The following PIP5K1C variants were observed in gnomAD, a reference collection of about 807,000 sequenced individuals.
The protein encoded by PIP5K1C is phosphatidylinositol-4-phosphate 5-kinase type 1 gamma, also known as phosphatidylinositol 4-phosphate 5-kinase type-1 gamma.
Under a neutral mutation model 80.1 loss-of-function variants are expected in PIP5K1C, and 45 were observed. The ratio of observed to expected loss-of-function variants is 0.56; its 90% CI spans 0.44 to 0.72. The LOEUF is 0.72. Among genes scored for constraint, PIP5K1C ranks in the 30% least tolerant of loss-of-function variants. The probability of loss-of-function intolerance (pLI) is 0.00; values close to 1 mark genes in which losing one functional copy is unlikely to be tolerated. For missense variants in PIP5K1C, 753 were observed against 954.6 expected (o/e 0.79, Z 2.78); for synonymous variants, 498 against 420.1 (o/e 1.19, Z -2.27).
Position 3,664,883 on chromosome 19 carries a change from C to T in PIP5K1C, c.158G>A (p.Gly53Asp). Reference sequence around the variant, plus strand: ...TCGATGGCCCAACTTCTTCCCATGGCCAGGGCCCGGCTGTGCCGTCATGGA... The same window carrying T: ...TCGATGGCCCAACTTCTTCCCATGGTCAGGGCCCGGCTGTGCCGTCATGGA... ...VLSMTAQPGP[G>D]HGKKLGHRGV... is the part of the protein sequence containing the mutation. The change falls in exon 3 of 18, where the codon GGC (glycine) becomes GAC (aspartate). Residue 53 changes from glycine (G) to aspartate (D), a missense_variant. By Grantham distance (94) the Gly-to-Asp change is moderately conservative. This residue lies in a region of PIP5K1C where 139 missense variants were observed against 289.7 expected (regional missense o/e 0.48). Coordinates refer to ENST00000335312, the MANE Select transcript of PIP5K1C (RefSeq NM_012398.3). 6.2e-7 allele frequency: 1 copy of T among 1,613,236 alleles called. No individual in the cohort carries two copies. Among genetic ancestry groups the T allele is most frequent in the Non-Finnish European group, 8.5e-7 (1 of 1,179,962 alleles).
At chr19:3,666,930 G>A (rs887303851) in intron 2 of PIP5K1C, among the ~76,000 whole-genome samples, 3 of 152,260 alleles carry the variant, frequency 2.0e-5, no homozygotes, top group South Asian at 4.1e-4. Context: ...TCTGGGCAGC[G>A]TCTAACCCTC....
At chr19:3,664,999 G>T in intron 2 of PIP5K1C, 85 bp from the exon 3 acceptor site, 1 of 1,152,114 alleles carries the variant, frequency 8.7e-7, no homozygotes, top group Non-Finnish European at 1.3e-6. Flanking sequence ...GGGAAGAAAG[G>T]TTTAGTCGTT....
intron 1 of PIP5K1C, among the ~76,000 whole-genome samples, chr19:3,697,468 G>A (rs2036160092): frequency 6.6e-6 from 1 of 151,968 alleles, no homozygotes; most frequent in Non-Finnish European, 1.5e-5. Flanking sequence ...GGACCGAGGA[G>A]GACCGAGCTG....
At position 3,648,971 on chromosome 19, in the gene PIP5K1C, G is replaced by A. The variant is rs2034351507; in HGVS notation, c.1128-263C>T. Among the ~76,000 whole-genome samples the A allele has an allele frequency of 6.6e-6, 1 of 152,124 alleles. No homozygotes were observed. The highest frequency in any genetic ancestry group is 2.4e-5 in the African/African-American group (1 of 41,424). On this transcript the variant is annotated intron_variant, in intron 8 of 17. Coordinates refer to ENST00000335312, the MANE Select transcript of PIP5K1C (RefSeq NM_012398.3). This position sits in a 1 kb window ranked among gnomAD's most constrained non-coding sequence, Gnocchi z 4.3. Reference sequence around the variant, plus strand: ...TACCCCCTACACACACGTGTGCCTGGACACACACATGCACACACACGCACA... The same window carrying A: ...TACCCCCTACACACACGTGTGCCTGAACACACACATGCACACACACGCACA...
At chr19:3,662,473 C>T (rs541154425) in intron 3 of PIP5K1C, among the ~76,000 whole-genome samples, 1 of 152,370 alleles carries the variant, frequency 6.6e-6, no homozygotes, top group Non-Finnish European at 1.5e-5. Flanking sequence ...ACCCACATGG[C>T]CGCTATGTGC....
In PIP5K1C at chr19:3,644,122, C is replaced by G; in HGVS notation, c.1475G>C (p.Arg492Pro). ...SEREEAQYDLRGARSYPTLED... is the reference protein window; with the variant it reads ...SEREEAQYDLPGARSYPTLED... Reference sequence around the variant, plus strand: ...CAGCGTGGGGTAGCTGCGGGCCCCCCGCAGGTCGTACTGGGCCTCCTCCCG... The same window carrying G: ...CAGCGTGGGGTAGCTGCGGGCCCCCGGCAGGTCGTACTGGGCCTCCTCCCG... Residue 492 changes from arginine (R) to proline (P), a missense_variant, in exon 12 of 18, where the codon CGG (arginine) becomes CCG (proline). Physicochemically the swap from Arg to Pro is moderately radical, Grantham distance 103. This residue lies in a region of PIP5K1C where 315 missense variants were observed against 294.5 expected (regional missense o/e 1.07). Coordinates refer to ENST00000335312, the MANE Select transcript of PIP5K1C (RefSeq NM_012398.3). 10 of 1,611,694 alleles carry G rather than the reference C, an allele frequency of 6.2e-6. No homozygotes were observed. Among genetic ancestry groups the G allele is most frequent in the Non-Finnish European group, 8.5e-6 (10 of 1,179,826 alleles).
At position 3,683,470 on chromosome 19, in the gene PIP5K1C, C is replaced by T. The variant is rs980050098; in HGVS notation, c.95-16117G>A. ...GGCCAGAGACGAGCTAGCCCACCTT[C>T]GCCGTGTGTGTGGCGGGGCCCGCAC... On this transcript the variant is annotated intron_variant, in intron 1 of 17. Transcript: ENST00000335312. 3.9e-5 allele frequency among the ~76,000 whole-genome samples: 6 copies of T among 152,348 alleles called. No homozygotes were observed. In the South Asian group the frequency reaches 1.2e-3, roughly 32 times the overall value.
At chr19:3,691,242 G>A (rs974024523) in intron 1 of PIP5K1C, among the ~76,000 whole-genome samples, 6 of 152,332 alleles carry the variant, frequency 3.9e-5, no homozygotes, top group South Asian at 2.1e-4. Flanking sequence ...AGAGATGGAC[G>A]CGTCCTCCGC....
intron 16 of PIP5K1C, chr19:3,638,152 G>C (rs1375594490): frequency 1.9e-6 from 2 of 1,066,758 alleles, no homozygotes; most frequent in Non-Finnish European, 2.6e-6. Flanking sequence ...TGCAGCCTCC[G>C]GCCCTCCCTG....
intron 5 of PIP5K1C, among the ~76,000 whole-genome samples, chr19:3,658,940 C>T (rs999320358): frequency 2.4e-4 from 36 of 152,148 alleles, no homozygotes; most frequent in Admixed American, 2.3e-3. Context: ...CTGGGGCTCT[C>T]GGCAGCTGCG....
At position 3,648,575 on chromosome 19, in the gene PIP5K1C, A is replaced by G. The variant is rs117753252; in HGVS notation, c.1211+50T>C. 14,429 of 1,294,798 alleles carry G rather than the reference A, an allele frequency of 0.011. 169 individuals carry two copies. Among genetic ancestry groups the G allele is most frequent in the South Asian group, 0.017 (1,209 of 71,700 alleles). The allele number at this position is 1,294,798 out of a possible 1,614,324, so 80.2% of individuals were successfully genotyped here. A position where few individuals can be genotyped will look rare whatever the true frequency, so the allele number is the denominator to read the frequency against. On this transcript the variant is annotated intron_variant, in intron 9 of 17. Coordinates refer to ENST00000335312, the MANE Select transcript of PIP5K1C (RefSeq NM_012398.3). This position sits in a 1 kb window ranked among gnomAD's most constrained non-coding sequence, Gnocchi z 4.3. The stretch of plus-strand genomic sequence containing the variant: ...GCAGACCCGGGCGCCCACCTGTGGG[A>G]CTGCAGACCCGGGGCGTCCACCTGT...
chr19:3,641,917 C>A lies in PIP5K1C; in HGVS notation c.1683-108G>T, dbSNP rs2033979199. On this transcript the variant is annotated intron_variant, in intron 14 of 17. Coordinates refer to ENST00000335312, the MANE Select transcript of PIP5K1C (RefSeq NM_012398.3). ...GCCAGTCCCAGAGGGGAGTTGGGAG[C>A]CTCCTGATTGGGTCTGTTCTTTCTG... 7 of 853,608 alleles carry A rather than the reference C, an allele frequency of 8.2e-6. No individual in the cohort carries two copies. In the South Asian group the frequency reaches 9.9e-5, roughly 12 times the overall value. The allele number at this position is 853,608 out of a possible 1,614,324, so 52.9% of individuals were successfully genotyped here.
rs1473733390 is a variant in PIP5K1C at position 3,700,358 on chromosome 19, G to A, written c.33C>T (p.Ser11=). MELEVPDEAE[S]AEAGAVPSEA... is the part of the protein sequence containing the mutation. ...CCGAGGGCACGGCCCCCGCCTCAGC[G>A]CTCTCCGCCTCGTCCGGTACCTCCA... The change falls in exon 1 of 18, where the codon AGC becomes AGT. Residue 11 remains serine (S), a synonymous_variant. Transcript: ENST00000335312. The A allele has an allele frequency of 7.8e-7, 1 of 1,285,642 alleles. No homozygotes were observed. The highest frequency in any genetic ancestry group is 1.0e-6 in the Non-Finnish European group (1 of 999,350). The allele number at this position is 1,285,642 out of a possible 1,614,324, so 79.6% of individuals were successfully genotyped here.
intron 2 of PIP5K1C, among the ~76,000 whole-genome samples, chr19:3,666,650 T>C (rs111555516): frequency 1.3e-5 from 2 of 148,538 alleles, no homozygotes; most frequent in East Asian, 4.0e-4. Context: ...CGTGCACACA[T>C]GCACGCAAAC....
intron 8 of PIP5K1C, among the ~76,000 whole-genome samples, chr19:3,650,838 C>A (rs766577418): frequency 1.4e-4 from 21 of 152,118 alleles, no homozygotes; most frequent in Admixed American, 1.4e-3. Context: ...CTCACTGCAA[C>A]CTCCACCTCC....
chr19:3,638,859 G>A lies in PIP5K1C; in HGVS notation c.1920+25C>T, dbSNP rs55668698. On this transcript the variant is annotated intron_variant, in intron 16 of 17. Coordinates refer to ENST00000335312, the MANE Select transcript of PIP5K1C (RefSeq NM_012398.3). ...GAGAGAGTCCGGTTGACGAGCCGGC[G>A]GCAGGAGGAGCCCGGGGCACTTACA... The A allele has an allele frequency of 0.083, 134,226 of 1,612,660 alleles. 6,143 individuals carry two copies. Among genetic ancestry groups the A allele is most frequent in the Non-Finnish European group, 0.097 (114,425 of 1,179,752 alleles).
chr19:3,697,447 AGGACCGAGCT>A (rs2036158711), intron 1 of PIP5K1C, among the ~76,000 whole-genome samples: 1 of 151,340 alleles, frequency 6.6e-6, no homozygotes, highest in South Asian at 2.1e-4. Context: ...TGTACGGAGG[AGGACCGAGCT>A]GGACCGAGGA....
chr19:3,633,304 C>G, intron 17 of PIP5K1C, 133 bp downstream of exon 17: 2 of 684,422 alleles, frequency 2.9e-6, no homozygotes. Flanking sequence ...CCAGAGAGCC[C>G]AGGGTGGAGC....
intron 16 of PIP5K1C, 42 bp from the exon 17 acceptor site, chr19:3,633,562 G>T: frequency 7.6e-7 from 1 of 1,319,422 alleles, no homozygotes. Context: ...GGAAGAGCAG[G>T]GTGCGAGGAG....
Sources: allele counts gnomAD v4.1 joint callset (sites outside exome capture counted in the v4.1 genomes callset), GRCh38; gene constraint gnomAD v4.1.1; regional missense constraint gnomAD v4.1.1; non-coding constraint Gnocchi (gnomAD v3.1); transcripts MANE v1.5; gene names NCBI Gene and HGNC (gene_info 2026-07-23, HGNC 2026-07-21).